NTN1: variants seen among roughly 807,000 people sequenced by gnomAD.
The protein encoded by NTN1 is netrin 1.
In NTN1, 11 loss-of-function variants were observed where a neutral mutation model predicts 54.2. The observed-to-expected ratio is 0.20, with a 90% CI of 0.13 to 0.34. NTN1 has a LOEUF of 0.34. NTN1 is among the 10% of genes least tolerant of loss of function. NTN1 has a pLI of 1.00. For missense variants in NTN1, 740 were observed against 893.1 expected (o/e 0.83, Z 2.18); for synonymous variants, 371 against 382.0 (o/e 0.97, Z 0.33).
At chr17:9,063,442 A>G (rs1167330594) in intron 2 of NTN1, among the ~76,000 whole-genome samples, 3 of 152,108 alleles carry the variant, frequency 2.0e-5, no homozygotes, top group African/African-American at 7.2e-5. Context: ...CACAATAAGC[A>G]CAAAATGGTG....
At chr17:9,114,417 C>A (rs2092203794) in intron 2 of NTN1, among the ~76,000 whole-genome samples, 1 of 147,566 alleles carries the variant, frequency 6.8e-6, no homozygotes, top group African/African-American at 2.5e-5. Flanking sequence ...GAATTTTTTG[C>A]AAAAAAATAT....
intron 2 of NTN1, among the ~76,000 whole-genome samples, chr17:9,155,253 AC>A (rs1265380156): frequency 6.6e-6 from 1 of 152,076 alleles, no homozygotes; most frequent in Non-Finnish European, 1.5e-5. Flanking sequence ...CCGCTGTCAC[AC>A]CAGCACCTGG....
chr17:9,090,542 A>G (rs2092106700), intron 2 of NTN1, among the ~76,000 whole-genome samples: 1 of 152,220 alleles, frequency 6.6e-6, no homozygotes, highest in South Asian at 2.1e-4. Flanking sequence ...CAAGAAAGTC[A>G]TGGATGTTTC....
chr17:9,019,770 T>C (rs1231029449), upstream of NTN1, among the ~76,000 whole-genome samples: 1 of 152,218 alleles, frequency 6.6e-6, no homozygotes, highest in East Asian at 1.9e-4. Context: ...AGTATACCAT[T>C]GCGATTTCAC....
chr17:9,034,022 C>T (rs1256601477), intron 2 of NTN1, among the ~76,000 whole-genome samples: 1 of 151,984 alleles, frequency 6.6e-6, no homozygotes, highest in Admixed American at 6.5e-5. Context: ...GTGTGAAATA[C>T]CAAGATACAT....
intron 6 of NTN1, among the ~76,000 whole-genome samples, chr17:9,233,333 C>T (rs1387780781): frequency 2.6e-5 from 4 of 152,178 alleles, no homozygotes; most frequent in East Asian, 1.9e-4. Context: ...CGCCCTGTGT[C>T]GGTTCCCAAC....
rs1345487160 is a variant in NTN1, at chr17:9,243,670, C to T, written c.*3702C>T. 2 of 152,170 alleles carry T rather than the reference C, an allele frequency of 1.3e-5. No homozygotes were observed. Among genetic ancestry groups the T allele is most frequent in the Non-Finnish European group, 2.9e-5 (2 of 68,062 alleles). The allele number at this position is 152,170 out of a possible 1,614,324, so 9.4% of individuals were successfully genotyped here. A position where few individuals can be genotyped will look rare whatever the true frequency, so the allele number is the denominator to read the frequency against. On this transcript the variant is annotated 3_prime_UTR_variant, in exon 7 of 7. Transcript: ENST00000173229. ...CACTCCTGTCATTGGACGTTTCTTCCCATTCCCTCCTCCCAAATGCACTTC... is the reference window on the plus strand; with the variant it reads ...CACTCCTGTCATTGGACGTTTCTTCTCATTCCCTCCTCCCAAATGCACTTC...
In NTN1 at chr17:9,159,718, G is replaced by A. The variant is rs547255269; in HGVS notation, c.1019-3095G>A. The stretch of plus-strand genomic sequence containing the variant: ...CGGGAGGCTGAGGCAGGAGAATCGC[G>A]TGAACCTGGGAGGCGGAGGTTGCAG... On this transcript the variant is annotated intron_variant, in intron 2 of 6. Transcript: ENST00000173229. 3.0e-4 allele frequency among the ~76,000 whole-genome samples: 45 copies of A among 152,146 alleles called. No homozygotes were observed. In the South Asian group the frequency reaches 5.2e-3, roughly 18 times the overall value.
At chr17:9,168,079 G>A (rs1304993346) in intron 3 of NTN1, among the ~76,000 whole-genome samples, 2 of 152,144 alleles carry the variant, frequency 1.3e-5, no homozygotes, top group East Asian at 1.9e-4. Flanking sequence ...TAAGAAATGA[G>A]GATGGTGAGT....
Position 9,022,576 on chromosome 17 carries a change from G to C in NTN1, c.203G>C (p.Ser68Thr), listed in dbSNP as rs1240603076. ...AAFGKDVRVS[S>T]TCGRPPARYC... ...TTCGGCAAGGACGTGCGCGTGTCCA[G>C]CACCTGCGGCCGGCCCCCGGCGCGC... Residue 68 changes from serine (S) to threonine (T), a missense_variant, in exon 2 of 7, where the codon AGC becomes ACC. By Grantham distance (58) the Ser-to-Thr change is moderately conservative. Transcript: ENST00000173229. 13 of 1,546,078 alleles carry C rather than the reference G, an allele frequency of 8.4e-6. No individual in the cohort carries two copies. Among genetic ancestry groups the C allele is most frequent in the African/African-American group, 2.7e-5 (2 of 73,144 alleles).
chr17:9,060,966 C>T (rs1472142980), intron 2 of NTN1, among the ~76,000 whole-genome samples: 4 of 80,484 alleles, frequency 5.0e-5, no homozygotes, highest in Admixed American at 1.8e-4. Flanking sequence ...CAGAGCAAGA[C>T]TCTGTCTCAA....
chr17:9,118,545 T>A lies in NTN1; in HGVS notation c.1019-44268T>A, dbSNP rs2092222038. Among the ~76,000 whole-genome samples the A allele has an allele frequency of 1.3e-5, 2 of 152,138 alleles. 1 individual carries two copies. Among genetic ancestry groups the A allele is most frequent in the South Asian group, 4.1e-4 (2 of 4,826 alleles). On this transcript the variant is annotated intron_variant, in intron 2 of 6. Coordinates refer to ENST00000173229, the MANE Select transcript of NTN1 (RefSeq NM_004822.3). Reference sequence around the variant, plus strand: ...AAAACAGAAACAAAAACCGGTTCAGTGGTTTTCAGTATATTCAGAGTTGTA... The same window carrying A: ...AAAACAGAAACAAAAACCGGTTCAGAGGTTTTCAGTATATTCAGAGTTGTA...
chr17:9,239,742 G>A lies in NTN1; in HGVS notation c.1589G>A (p.Arg530His). 1 of 1,613,770 alleles carries A rather than the reference G, an allele frequency of 6.2e-7. No homozygotes were observed. The highest frequency in any genetic ancestry group is 1.3e-5 in the African/African-American group (1 of 75,056). Residue 530 changes from arginine to histidine, a missense_variant, in exon 7 of 7, where the codon CGC becomes CAC. Physicochemically the swap from Arg to His is conservative, Grantham distance 29. Coordinates refer to ENST00000173229, the MANE Select transcript of NTN1 (RefSeq NM_004822.3). This position sits in a 1 kb window ranked among gnomAD's most constrained non-coding sequence, Gnocchi z 5.2. ...VYKQGTSRIRRGDQSLWIRSR... is the reference protein window; with the variant it reads ...VYKQGTSRIRHGDQSLWIRSR... ...AAGCAGGGCACGAGCCGCATCCGCC[G>A]CGGTGACCAGAGCCTGTGGATCCGC... is the stretch of plus-strand genomic sequence containing the variant.
intron 6 of NTN1, among the ~76,000 whole-genome samples, chr17:9,230,629 G>A (rs1015299229): frequency 9.2e-5 from 14 of 152,100 alleles, no homozygotes; most frequent in East Asian, 7.7e-4. Context: ...GTGAGAGCCC[G>A]GTGGGGGCAG....
intron 6 of NTN1, among the ~76,000 whole-genome samples, chr17:9,236,439 G>A (rs1001959949): frequency 2.0e-5 from 3 of 152,238 alleles, no homozygotes; most frequent in Admixed American, 6.5e-5. Context: ...TGCGCATTTT[G>A]AATATTTTCA....
At chr17:9,227,118 GCGCTGC>G (rs1905594447) in intron 6 of NTN1, among the ~76,000 whole-genome samples, 2 of 152,118 alleles carry the variant, frequency 1.3e-5, no homozygotes, top group South Asian at 4.1e-4. Context: ...CCTCCTGTCT[GCGCTGC>G]CTCCCACGTC....
chr17:9,106,458 T>C (rs960322218), intron 2 of NTN1, among the ~76,000 whole-genome samples: 1 of 116,994 alleles, frequency 8.5e-6, no homozygotes, highest in Non-Finnish European at 2.1e-5. Context: ...ATTTCCTTCC[T>C]TCCTTCCTCC....
At chr17:9,202,357 C>T (rs979930890) in intron 5 of NTN1, among the ~76,000 whole-genome samples, 4 of 152,200 alleles carry the variant, frequency 2.6e-5, no homozygotes, top group Admixed American at 1.3e-4. Context: ...TGATGCCCTT[C>T]AGCCTCTAGG....
chr17:9,170,393 T>C (rs758413), intron 3 of NTN1, among the ~76,000 whole-genome samples: 106,590 of 152,118 alleles, frequency 0.7, 37,774 homozygotes, highest in East Asian at 0.97. Flanking sequence ...AGAGACACTT[T>C]CTTTGACCCT....
Sources: allele counts gnomAD v4.1 joint callset (sites outside exome capture counted in the v4.1 genomes callset), GRCh38; gene constraint gnomAD v4.1.1; non-coding constraint Gnocchi (gnomAD v3.1); transcripts MANE v1.5; gene names NCBI Gene and HGNC (gene_info 2026-07-23, HGNC 2026-07-21).